The following PLPP5 variants were observed in gnomAD, a reference collection of about 807,000 sequenced individuals.
The protein encoded by PLPP5 is diacylglycerol pyrophosphate like 1.
Under a neutral mutation model 23.6 loss-of-function variants are expected in PLPP5, and 29 were observed. That is an observed-to-expected ratio of 1.23 (90% CI 0.92 to 1.68). The LOEUF is 1.68. Among genes scored for constraint, PLPP5 ranks in the 40% most tolerant of loss-of-function variants. The pLI is 0.00. For synonymous variants in PLPP5, 143 were observed against 131.3 expected (o/e 1.09, Z -0.61); for missense variants, 315 against 332.1 (o/e 0.95, Z 0.40).
intron 4 of PLPP5, 167 bp from the exon 5 acceptor site, chr8:38,267,558 G>A (rs1229345486): frequency 3.9e-6 from 3 of 765,190 alleles, no homozygotes; most frequent in African/African-American, 3.5e-5. Flanking sequence ...GCCTTTCAAG[G>A]TGAGCATTTA....
Position 38,269,211 on chromosome 8 carries a change from CT to C in PLPP5, c.-13del. On this transcript the variant is annotated 5_prime_UTR_variant, in exon 1 of 7. Coordinates refer to ENST00000424479, the MANE Select transcript of PLPP5 (RefSeq NM_001102559.2). Reference sequence around the variant, plus strand: ...GCCGCCTTCCCCATCCGGCCGCGAGCTCCGAGCGACGCTGCGCTGACGTGGC... The same window carrying C: ...GCCGCCTTCCCCATCCGGCCGCGAGCCCGAGCGACGCTGCGCTGACGTGGC... 1 of 1,495,848 alleles carries C rather than the reference CT, an allele frequency of 6.7e-7. No individual in the cohort carries two copies. The highest frequency in any genetic ancestry group is 1.3e-5 in the South Asian group (1 of 79,946). The allele number at this position is 1,495,848 out of a possible 1,614,324, so 92.7% of individuals were successfully genotyped here.
chr8:38,264,989 C>G, intron 6 of PLPP5: 1 of 1,430,358 alleles, frequency 7.0e-7, no homozygotes, highest in Non-Finnish European at 9.9e-7. Context: ...TTGCTTCTCG[C>G]CGGGCACGGT....
In PLPP5 at chr8:38,266,519, G is replaced by C. The variant is rs375532892; in HGVS notation, c.464-208C>G. On this transcript the variant is annotated intron_variant, in intron 5 of 6. Coordinates refer to ENST00000424479, the MANE Select transcript of PLPP5 (RefSeq NM_001102559.2). ...GGGTTCAAGCGATTCTCCTGCCTTA[G>C]CCTCCCGAGTAGCTGGGACTCCATG... 176 of 495,572 alleles carry C rather than the reference G, an allele frequency of 3.6e-4. 1 individual carries two copies. In the East Asian group the frequency reaches 5.1e-3, roughly 14 times the overall value. The allele number at this position is 495,572 out of a possible 1,614,324, so 30.7% of individuals were successfully genotyped here. A position where few individuals can be genotyped will look rare whatever the true frequency, so the allele number is the denominator to read the frequency against.
At chr8:38,266,587 G>T in intron 5 of PLPP5, 1 of 290,838 alleles carries the variant, frequency 3.4e-6, no homozygotes, top group Non-Finnish European at 6.5e-6. Flanking sequence ...TTTTAGTAGA[G>T]TTGGGATTTC....
intron 6 of PLPP5, among the ~76,000 whole-genome samples, chr8:38,265,816 T>C (rs1036241508): frequency 3.9e-5 from 6 of 152,252 alleles, no homozygotes; most frequent in East Asian, 1.9e-4. Context: ...ATTTTACTTA[T>C]GTTTTTGAAC....
chr8:38,266,872 A>G (rs1434538854), intron 5 of PLPP5: 2 of 261,448 alleles, frequency 7.6e-6, no homozygotes, highest in Non-Finnish European at 1.4e-5. Flanking sequence ...TAGTTTCCTC[A>G]TCTATAAATG....
At chr8:38,267,480 A>G in intron 4 of PLPP5, 89 bp from the exon 5 acceptor site, 1 of 1,495,778 alleles carries the variant, frequency 6.7e-7, no homozygotes, top group Non-Finnish European at 9.1e-7. Flanking sequence ...CCTGTTAACT[A>G]TTGGTCAAAT....
At position 38,263,991 on chromosome 8, in the gene PLPP5, T is replaced by C; in HGVS notation, c.*453A>G. 1.0e-6 allele frequency: 1 copy of C among 985,942 alleles called. No homozygotes were observed. Among genetic ancestry groups the C allele is most frequent in the Non-Finnish European group, 1.2e-6 (1 of 830,348 alleles). 61.1% of individuals were successfully genotyped at this position (985,942 alleles called of 1,614,324 possible). A position where few individuals can be genotyped will look rare whatever the true frequency, so the allele number is the denominator to read the frequency against. On this transcript the variant is annotated 3_prime_UTR_variant, in exon 7 of 7. Transcript: ENST00000424479. ...AAGAACCGTAACTCCTCAAGATAGA[T>C]GAGCAGGGGCAAAAGTGTGTAATCA...
At chr8:38,268,288 C>T (rs1460555508) in intron 3 of PLPP5, 83 bp downstream of exon 3, 2 of 1,304,032 alleles carry the variant, frequency 1.5e-6, no homozygotes, top group East Asian at 5.0e-5. Context: ...GTGGCCTCCA[C>T]ACAGGCTCAC....
At position 38,264,492 on chromosome 8, in the gene PLPP5, T is replaced by C. The variant is rs1807285142; in HGVS notation, c.747A>G (p.Val249=). 2 of 1,554,050 alleles carry C rather than the reference T, an allele frequency of 1.3e-6. No individual in the cohort carries two copies. Among genetic ancestry groups the C allele is most frequent in the Non-Finnish European group, 1.7e-6 (2 of 1,148,174 alleles). ...ECHKPFQDKL[V]LSTAQKPGDS... ...CCCCAGGCTTCTGTGCAGTGGAAAG[T>C]ACAAGTTTGTCTTGAAATGGTTTAT... Residue 249 remains valine (V), a synonymous_variant, in exon 7 of 7, where the codon GTA becomes GTG. Transcript: ENST00000424479.
At position 38,269,173 on chromosome 8, in the gene PLPP5, G is replaced by A. The variant is rs1477174911; in HGVS notation, c.27C>T (p.Ala9=). The A allele has an allele frequency of 2.0e-6, 3 of 1,506,130 alleles. No homozygotes were observed. Among genetic ancestry groups the A allele is most frequent in the South Asian group, 1.2e-5 (1 of 81,380 alleles). 93.3% of individuals were successfully genotyped at this position (1,506,130 alleles called of 1,614,324 possible). A position where few individuals can be genotyped will look rare whatever the true frequency, so the allele number is the denominator to read the frequency against. Residue 9 remains alanine, a synonymous_variant, in exon 1 of 7, where the codon GCC becomes GCT. Coordinates refer to ENST00000424479, the MANE Select transcript of PLPP5 (RefSeq NM_001102559.2). The stretch of plus-strand genomic sequence containing the variant: ...GCCGCACGCCCACTTCGGCCCCAAA[G>A]GCCACCGCCGCCGCCGCCTTCCCCA... MGKAAAAV[A]FGAEVGVRLA... is the part of the protein sequence containing the mutation.
At chr8:38,268,210 A>G (rs1808005158) in intron 3 of PLPP5, 161 bp downstream of exon 3, 1 of 1,070,434 alleles carries the variant, frequency 9.3e-7, no homozygotes, top group East Asian at 2.6e-5. Flanking sequence ...TAGCCTGCGT[A>G]ACCAAGTCCC....
At chr8:38,265,133 G>C (rs1807388670) in intron 6 of PLPP5, 1 of 551,942 alleles carries the variant, frequency 1.8e-6, no homozygotes, top group Non-Finnish European at 3.2e-6. Flanking sequence ...GGGCGTGGTG[G>C]CATGTGCCTG....
At chr8:38,264,894 G>C in intron 6 of PLPP5, 2 of 1,612,568 alleles carry the variant, frequency 1.2e-6, no homozygotes, top group Non-Finnish European at 1.7e-6. Flanking sequence ...ACTCAGAAGA[G>C]TAACAAAGGT....
rs766773305 is a variant in PLPP5, at chr8:38,268,961, C to A, written c.104G>T (p.Arg35Ile). ...CCACATCTCCTCCGGCTGGATGAGTCTCTGGAACGGGGGGAGCAGCTCCGT... is the reference window on the plus strand; with the variant it reads ...CCACATCTCCTCCGGCTGGATGAGTATCTGGAACGGGGGGAGCAGCTCCGT... ...LVTELLPPFQRLIQPEEMWLY... is the reference protein window; with the variant it reads ...LVTELLPPFQILIQPEEMWLY... Residue 35 changes from arginine to isoleucine, a missense_variant, in exon 2 of 7, where the codon AGA (arginine) becomes ATA (isoleucine). Coordinates refer to ENST00000424479, the MANE Select transcript of PLPP5 (RefSeq NM_001102559.2). The A allele has an allele frequency of 1.3e-6, 2 of 1,567,920 alleles. No homozygotes were observed. Among genetic ancestry groups the A allele is most frequent in the African/African-American group, 2.8e-5 (2 of 70,850 alleles).
intron 6 of PLPP5, chr8:38,264,839 G>A: frequency 1.1e-5 from 18 of 1,589,816 alleles, no homozygotes; most frequent in Non-Finnish European, 1.5e-5. Flanking sequence ...TCTTAAGTAA[G>A]TATAATAAGC....
intron 5 of PLPP5, chr8:38,267,042 A>G (rs1807723778): frequency 7.1e-7 from 1 of 1,416,206 alleles, no homozygotes; most frequent in African/African-American, 1.4e-5. Flanking sequence ...ATAATATAAC[A>G]ATTAAATGTG....
rs1585812622 is a variant in PLPP5 at position 38,267,307 on chromosome 8, C to G, written c.423G>C (p.Val141=). The part of the protein sequence containing the change: ...DLMCTGDKDV[V]NEGRKSFPSG... ...TGGGGAAGCTCTTTCGGCCCTCATT[C>G]ACCACGTCCTTATCCCCTGTACACA... The change falls in exon 5 of 7, where the codon GTG becomes GTC. Residue 141 remains valine, a synonymous_variant. Transcript: ENST00000424479. The G allele has an allele frequency of 1.2e-6, 2 of 1,614,040 alleles. No homozygotes were observed. Among genetic ancestry groups the G allele is most frequent in the East Asian group, 2.2e-5 (1 of 44,894 alleles).
chr8:38,264,397 T>G lies in PLPP5; in HGVS notation c.*47A>C. 2 of 1,427,292 alleles carry G rather than the reference T, an allele frequency of 1.4e-6. No individual in the cohort carries two copies. Among genetic ancestry groups the G allele is most frequent in the Non-Finnish European group, 1.9e-6 (2 of 1,061,550 alleles). 88.4% of individuals were successfully genotyped at this position (1,427,292 alleles called of 1,614,324 possible). A position where few individuals can be genotyped will look rare whatever the true frequency, so the allele number is the denominator to read the frequency against. On this transcript the variant is annotated 3_prime_UTR_variant, in exon 7 of 7. Transcript: ENST00000424479. ...ATCCACCCTCCTCAGCCTCCCAAAGTGTTGGGATTACAGGCATGAGCCACC... is the reference window on the plus strand; with the variant it reads ...ATCCACCCTCCTCAGCCTCCCAAAGGGTTGGGATTACAGGCATGAGCCACC...
Sources: allele counts gnomAD v4.1 joint callset (sites outside exome capture counted in the v4.1 genomes callset), GRCh38; gene constraint gnomAD v4.1.1; transcripts MANE v1.5; gene names NCBI Gene and HGNC (gene_info 2026-07-23, HGNC 2026-07-21).